NFIL3: variants seen among roughly 807,000 people sequenced by gnomAD.
NFIL3 encodes nuclear factor interleukin-3-regulated protein.
In NFIL3, 5 loss-of-function variants were observed where a neutral mutation model predicts 10.0. The observed-to-expected ratio is 0.50, with a 90% confidence interval of 0.26 to 1.06. The LOEUF is 1.06. NFIL3 is among the 50% of genes least tolerant of loss of function. The pLI is 0.13. For synonymous variants in NFIL3, 202 were observed against 206.5 expected (o/e 0.98, Z 0.19); for missense variants, 436 against 547.6 (o/e 0.80, Z 2.03).
At chr9:91,459,523 A>G in the NFIL3 span, among the ~76,000 whole-genome samples, 1 of 152,064 alleles carries the variant, frequency 6.6e-6, no homozygotes, top group Non-Finnish European at 1.5e-5. Flanking sequence ...ACAATAACAA[A>G]ATTAAATAAA....
At chr9:91,473,623 C>A in the NFIL3 span, among the ~76,000 whole-genome samples, 1 of 152,222 alleles carries the variant, frequency 6.6e-6, no homozygotes, top group African/African-American at 2.4e-5. Context: ...CACAGCTTCC[C>A]TTGGCTAGGA....
the NFIL3 span, among the ~76,000 whole-genome samples, chr9:91,431,515 C>A: frequency 6.6e-6 from 1 of 152,158 alleles, no homozygotes; most frequent in Non-Finnish European, 1.5e-5. Context: ...AAAGGTGTCA[C>A]GGGAACAGAG....
Position 91,409,346 on chromosome 9 carries a change from T to C in NFIL3, c.1389A>G (p.Ter463=), listed in dbSNP as rs3747840. ...TGCCCAGCTCTTACTCAGTAGTAATTTACCCAGAGTCTGAAGCAGAGATTG... is the reference window on the plus strand; with the variant it reads ...TGCCCAGCTCTTACTCAGTAGTAATCTACCCAGAGTCTGAAGCAGAGATTG... ...TQPISASDSG[*] The change falls in exon 2 of 2, where the codon TAA becomes TAG. Residue 463 remains the stop codon, a stop_retained_variant. Coordinates refer to ENST00000297689, the MANE Select transcript of NFIL3 (RefSeq NM_005384.3). 1,016 of 1,552,854 alleles carry C rather than the reference T, an allele frequency of 6.5e-4. 13 individuals are homozygous for C. The East Asian group carries it at 0.015, about 24-fold the overall frequency.
intron 1 of NFIL3, among the ~76,000 whole-genome samples, chr9:91,419,870 G>T (rs1376910782): frequency 6.6e-6 from 1 of 152,166 alleles, no homozygotes; most frequent in Admixed American, 6.5e-5. Flanking sequence ...TTGGTCAAAA[G>T]GGTCAAATAT....
upstream of NFIL3, among the ~76,000 whole-genome samples, chr9:91,427,810 T>C (rs1431668078): frequency 1.3e-5 from 2 of 151,964 alleles, no homozygotes; most frequent in Non-Finnish European, 1.5e-5. Context: ...CTGGCTAATT[T>C]TTTAATTTTT....
intron 1 of NFIL3, among the ~76,000 whole-genome samples, chr9:91,414,373 T>C (rs1201232991): frequency 2.0e-5 from 3 of 152,190 alleles, no homozygotes; most frequent in Admixed American, 6.5e-5. Context: ...CCAGCTACTT[T>C]TGTATTTTTA....
the NFIL3 span, among the ~76,000 whole-genome samples, chr9:91,441,144 C>A: frequency 6.6e-6 from 1 of 152,108 alleles, no homozygotes; most frequent in Non-Finnish European, 1.5e-5. Context: ...GTATTTCTTT[C>A]TTCATGTCCA....
At chr9:91,429,597 C>T in the NFIL3 span, among the ~76,000 whole-genome samples, 2 of 151,818 alleles carry the variant, frequency 1.3e-5, no homozygotes, top group African/African-American at 2.4e-5. Context: ...AGTGAATGCT[C>T]TCCGTTTGGT....
intron 1 of NFIL3, among the ~76,000 whole-genome samples, chr9:91,421,509 C>T (rs1022028833): frequency 6.6e-6 from 1 of 152,134 alleles, no homozygotes; most frequent in African/African-American, 2.4e-5. Context: ...CGTTCGGAGG[C>T]GCTTCTCGGT....
At chr9:91,429,626 C>T in the NFIL3 span, among the ~76,000 whole-genome samples, 6 of 151,960 alleles carry the variant, frequency 3.9e-5, no homozygotes, top group African/African-American at 1.2e-4. Context: ...TTAAGAAGTC[C>T]GGAAATTGGG....
At chr9:91,429,795 G>A in the NFIL3 span, among the ~76,000 whole-genome samples, 1 of 152,054 alleles carries the variant, frequency 6.6e-6, no homozygotes, top group Non-Finnish European at 1.5e-5. Context: ...GATGATAAAA[G>A]AGCCAGCTCT....
At chr9:91,427,116 G>A (rs1279441570), upstream of NFIL3, 1 of 151,294 alleles carries the variant, frequency 6.6e-6, no homozygotes, top group Non-Finnish European at 1.5e-5. Flanking sequence ...GGTTAGGCAA[G>A]CAATTCATTA....
At chr9:91,421,578 A>C (rs1833769750) in intron 1 of NFIL3, among the ~76,000 whole-genome samples, 1 of 151,734 alleles carries the variant, frequency 6.6e-6, no homozygotes, top group Non-Finnish European at 1.5e-5. Context: ...GGATTCTCGC[A>C]GACCCCACCG....
the NFIL3 span, among the ~76,000 whole-genome samples, chr9:91,452,683 A>T: frequency 2.5e-3 from 370 of 149,340 alleles, 5 homozygotes; most frequent in African/African-American, 8.8e-3. Context: ...GCTACTCAGG[A>T]GGCTGAGGCA....
At chr9:91,431,453 C>T in the NFIL3 span, among the ~76,000 whole-genome samples, 4 of 152,112 alleles carry the variant, frequency 2.6e-5, no homozygotes, top group East Asian at 1.9e-4. Flanking sequence ...CCGTCTTGGG[C>T]GCATCACATA....
the NFIL3 span, among the ~76,000 whole-genome samples, chr9:91,443,462 A>G: frequency 2.0e-5 from 3 of 152,246 alleles, no homozygotes; most frequent in Admixed American, 6.5e-5. Flanking sequence ...CTGCAGGCCC[A>G]TGCCTGAGCT....
upstream of NFIL3, among the ~76,000 whole-genome samples, chr9:91,428,243 C>T (rs1292729516): frequency 6.6e-6 from 1 of 151,824 alleles, no homozygotes; most frequent in Non-Finnish European, 1.5e-5. Flanking sequence ...ATTTAGTTAT[C>T]TTGATTTACT....
At chr9:91,473,109 G>T in the NFIL3 span, among the ~76,000 whole-genome samples, 2 of 152,108 alleles carry the variant, frequency 1.3e-5, no homozygotes, top group Admixed American at 1.3e-4. Flanking sequence ...CCAGCTATAT[G>T]AGGTGTCAGT....
the NFIL3 span, among the ~76,000 whole-genome samples, chr9:91,435,550 C>G: frequency 6.6e-6 from 1 of 152,138 alleles, no homozygotes; most frequent in Non-Finnish European, 1.5e-5. Context: ...GTCCACCTGC[C>G]TCTAGAGGCT....
Sources: gnomAD v4.1 joint callset for allele counts (sites outside exome capture counted in the v4.1 genomes callset) on GRCh38, gnomAD v4.1.1 for gene constraint, MANE v1.5 for transcripts, NCBI Gene and HGNC (gene_info 2026-07-23, HGNC 2026-07-21) for gene names.